Variants in POLR2F observed in about 807,000 individuals in gnomAD.
POLR2F encodes the protein RNA polymerase II, I and III subunit F.
A neutral mutation model predicts 22.7 loss-of-function variants in POLR2F; 12 were observed. The ratio of observed to expected loss-of-function variants is 0.53; its 90% confidence interval spans 0.34 to 0.86. The LOEUF (loss-of-function observed/expected upper bound fraction) is 0.86. POLR2F is among the 40% of genes least tolerant of loss of function. The probability of loss-of-function intolerance (pLI) is 0.02; values close to 1 mark genes in which losing one functional copy is unlikely to be tolerated. For synonymous variants in POLR2F, 57 were observed against 66.0 expected, an observed-to-expected ratio of 0.86 and a Z score of 0.66; for missense variants, 126 against 171.5, an observed-to-expected ratio of 0.73 and a Z score of 1.48.
At chr22:38,008,673 A>T (rs1210183819) in intron 1 of POLR2F, among the ~76,000 whole-genome samples, 1 of 151,938 alleles carries the variant, frequency 6.6e-6, no homozygotes, top group African/African-American at 2.4e-5. Flanking sequence ...GGAGTTCGAG[A>T]CCAGGCTGGC....
chr22:38,021,372 C>T (rs2084959056), intron 1 of POLR2F, among the ~76,000 whole-genome samples: 1 of 152,166 alleles, frequency 6.6e-6, no homozygotes, highest in Admixed American at 6.5e-5. Flanking sequence ...TGGGTAATAG[C>T]ATCTGTCTCT....
downstream of POLR2F, chr22:37,974,123 C>A (rs748234376): frequency 1.2e-5 from 19 of 1,612,732 alleles, 1 homozygote; most frequent in Admixed American, 1.7e-5. This position sits in a 1 kb window ranked among gnomAD's most constrained non-coding sequence, Gnocchi z 5.4. Context: ...GCGCCCGTCC[C>A]GCTTCGGGTC....
At chr22:37,991,254 A>C (rs1173290485) in intron 1 of POLR2F, among the ~76,000 whole-genome samples, 1 of 152,088 alleles carries the variant, frequency 6.6e-6, no homozygotes, top group South Asian at 2.1e-4. Context: ...TAGGTGGGAC[A>C]CTACCGGCGC....
intron 1 of POLR2F, among the ~76,000 whole-genome samples, chr22:38,019,936 C>G (rs1463224875): frequency 6.6e-6 from 1 of 152,104 alleles, no homozygotes; most frequent in African/African-American, 2.4e-5. Context: ...ATCACTTGAA[C>G]CCGGGAGGCA....
intron 5 of POLR2F, among the ~76,000 whole-genome samples, chr22:38,038,439 C>T (rs918214807): frequency 6.6e-6 from 1 of 151,972 alleles, no homozygotes; most frequent in Non-Finnish European, 1.5e-5. Flanking sequence ...GGGGTTTGAC[C>T]TGGCGGCCAT....
At chr22:38,013,794 A>C (rs1035651198) in intron 1 of POLR2F, among the ~76,000 whole-genome samples, 12 of 152,230 alleles carry the variant, frequency 7.9e-5, no homozygotes, top group African/African-American at 2.7e-4. Context: ...TTTAAAAAGT[A>C]ATTTCTAGTT....
At chr22:38,015,108 T>C (rs897731349) in intron 1 of POLR2F, among the ~76,000 whole-genome samples, 1 of 152,176 alleles carries the variant, frequency 6.6e-6, no homozygotes, top group Admixed American at 6.5e-5. Flanking sequence ...ACCCGGCCTC[T>C]GGCTAGGACT....
chr22:38,003,042 G>A (rs943412226), intron 1 of POLR2F, among the ~76,000 whole-genome samples: 9 of 152,012 alleles, frequency 5.9e-5, no homozygotes, highest in African/African-American at 1.7e-4. Flanking sequence ...GAGTCTTGAC[G>A]TAAAGGGAGA....
At chr22:37,996,378 C>T (rs1041827680) in intron 1 of POLR2F, among the ~76,000 whole-genome samples, 6 of 152,368 alleles carry the variant, frequency 3.9e-5, no homozygotes, top group Middle Eastern at 3.4e-3. Flanking sequence ...CCATCTCTGG[C>T]GAGAGAGCTC....
rs867601769 is a variant in POLR2F, at chr22:37,967,684, G to T, written c.353G>T (p.Trp118Leu). The change falls in exon 5 of 5, where the codon TGG becomes TTG. Residue 118 changes from tryptophan to leucine, a missense_variant. By Grantham distance (61) the Trp-to-Leu change is moderately conservative. Transcript: ENST00000442738. ...RYLPDGSYEDWGVDELIITD is the reference protein window; with the variant it reads ...RYLPDGSYEDLGVDELIITD ...CTGCCAGATGGGAGCTATGAAGACTGGGGGGTGGACGAGCTCATCATCACC... is the reference window on the plus strand; with the variant it reads ...CTGCCAGATGGGAGCTATGAAGACTTGGGGGTGGACGAGCTCATCATCACC... The T allele has an allele frequency of 1.9e-6, 3 of 1,613,228 alleles. No homozygotes were observed. Among genetic ancestry groups the T allele is most frequent in the African/African-American group, 2.7e-5 (2 of 74,862 alleles).
At chr22:38,009,851 GTTTATCC>G (rs1467454446) in intron 1 of POLR2F, among the ~76,000 whole-genome samples, 1 of 152,188 alleles carries the variant, frequency 6.6e-6, no homozygotes, top group Non-Finnish European at 1.5e-5. Flanking sequence ...TGTATCTGTA[GTTTATCC>G]TTTTTATTAC....
At position 37,968,874 on chromosome 22, in the gene POLR2F, T is replaced by TA; in HGVS notation, c.*1159_*1160insA. ...TGAGGATCTGCATTGGTGGGAGGGG[T>TA]GTCCGCTGCCCTGGAGAAGGGTTAA... On this transcript the variant is annotated 3_prime_UTR_variant, in exon 5 of 5. Transcript: ENST00000442738. The TA allele has an allele frequency of 1.0e-6, 1 of 985,244 alleles. No individual in the cohort carries two copies. 61.0% of individuals were successfully genotyped at this position (985,244 alleles called of 1,614,324 possible).
In POLR2F at chr22:37,978,991, G is replaced by T. The variant is rs1160682948; in HGVS notation, c.293+11821G>T. Among the ~76,000 whole-genome samples, 1 of 152,154 alleles carries T rather than the reference G, an allele frequency of 6.6e-6. No individual in the cohort carries two copies. The highest frequency in any genetic ancestry group is 1.9e-4 in the East Asian group (1 of 5,192). On this transcript the variant is annotated intron_variant, in intron 4 of 4. Transcript: ENST00000405557. The surrounding 1 kb of genome is among the most constrained non-coding windows in gnomAD (Gnocchi z 5.0). Reference sequence around the variant, plus strand: ...GGGGTTTCACCATGTTGACCAGGCTGGTCTCCAACTCCTGACCTTAGTTGA... The same window carrying T: ...GGGGTTTCACCATGTTGACCAGGCTTGTCTCCAACTCCTGACCTTAGTTGA...
intron 4 of POLR2F, 36 bp downstream of exon 4, chr22:37,967,206 C>T: frequency 1.2e-6 from 2 of 1,604,344 alleles, no homozygotes; most frequent in Non-Finnish European, 1.7e-6. Context: ...TTCTCCAAAT[C>T]TCTGGGAGGC....
At chr22:37,969,710 G>T (rs866372184), downstream of POLR2F, among the ~76,000 whole-genome samples, 9 of 152,156 alleles carry the variant, frequency 5.9e-5, no homozygotes, top group African/African-American at 2.2e-4. Context: ...AACACATAAG[G>T]TTAGTACTGA....
chr22:37,954,358 A>G (rs1931269881), intron 1 of POLR2F, among the ~76,000 whole-genome samples: 1 of 151,138 alleles, frequency 6.6e-6, no homozygotes, highest in Non-Finnish European at 1.5e-5. Context: ...GCTGGAGTGC[A>G]GTGGCGCGAT....
At chr22:37,998,496 C>T (rs575688522) in intron 1 of POLR2F, among the ~76,000 whole-genome samples, 8 of 152,306 alleles carry the variant, frequency 5.3e-5, no homozygotes, top group African/African-American at 1.7e-4. Context: ...TGAGGAGTTG[C>T]TGTCAGGCTC....
chr22:37,982,663 G>A (rs375042975), upstream of POLR2F, among the ~76,000 whole-genome samples: 1 of 152,070 alleles, frequency 6.6e-6, no homozygotes, highest in Non-Finnish European at 1.5e-5. Context: ...AGATGGCGCC[G>A]AACTGGGAGA....
rs73886208 is a variant in POLR2F at position 37,968,451 on chromosome 22, A to C, written c.*736A>C. 1 of 985,536 alleles carries C rather than the reference A, an allele frequency of 1.0e-6. No individual in the cohort carries two copies. The highest frequency in any genetic ancestry group is 1.2e-6 in the Non-Finnish European group (1 of 830,104). 61.0% of individuals were successfully genotyped at this position (985,536 alleles called of 1,614,324 possible). A position where few individuals can be genotyped will look rare whatever the true frequency, so the allele number is the denominator to read the frequency against. Reference sequence around the variant, plus strand: ...CTCTATAAGATATCCTTTCCCTCCTATTTGGGGCTGGTGATCCCCTGAGGC... The same window carrying C: ...CTCTATAAGATATCCTTTCCCTCCTCTTTGGGGCTGGTGATCCCCTGAGGC... On this transcript the variant is annotated 3_prime_UTR_variant, in exon 5 of 5. Coordinates refer to ENST00000442738, the MANE Select transcript of POLR2F (RefSeq NM_021974.5).
Sources: gnomAD v4.1 joint callset for allele counts (sites outside exome capture counted in the v4.1 genomes callset) on GRCh38, gnomAD v4.1.1 for gene constraint, Gnocchi (gnomAD v3.1) non-coding constraint, MANE v1.5 for transcripts, NCBI Gene and HGNC (gene_info 2026-07-23, HGNC 2026-07-21) for gene names.